The following BMP2K variants were observed in gnomAD, a reference collection of about 807,000 sequenced individuals.
BMP2K encodes BMP-2-inducible protein kinase.
A neutral mutation model predicts 116.0 loss-of-function variants in BMP2K; 74 were observed. That is an observed-to-expected ratio of 0.64 (90% CI 0.53 to 0.77). The LOEUF (loss-of-function observed/expected upper bound fraction) is 0.77. Among genes scored for constraint, BMP2K ranks in the 30% least tolerant of loss-of-function variants. The pLI is 0.00. For missense variants in BMP2K, 1,365 were observed against 1,403.6 expected (o/e 0.97, Z 0.44); for synonymous variants, 486 against 502.5 (o/e 0.97, Z 0.44).
chr4:78,877,552 G>C (rs1009540871), intron 13 of BMP2K, among the ~76,000 whole-genome samples: 2 of 152,114 alleles, frequency 1.3e-5, no homozygotes, highest in Admixed American at 1.3e-4. Context: ...AACAGGCATG[G>C]AGCTGTCATC....
intron 14 of BMP2K, among the ~76,000 whole-genome samples, chr4:78,885,137 A>G (rs1457028649): frequency 2.0e-5 from 3 of 152,224 alleles, no homozygotes; most frequent in Admixed American, 6.5e-5. Context: ...TAGTAACTCA[A>G]TATTAGTGCC....
intron 14 of BMP2K, chr4:78,879,446 C>T (rs1732793427): frequency 1.0e-6 from 1 of 979,566 alleles, no homozygotes; most frequent in Non-Finnish European, 1.2e-6. Flanking sequence ...TCAGATATCT[C>T]AATGTTTTTA....
At chr4:78,799,464 T>G (rs77738398) in intron 1 of BMP2K, among the ~76,000 whole-genome samples, 1 of 152,188 alleles carries the variant, frequency 6.6e-6, no homozygotes, top group Admixed American at 6.6e-5. Context: ...TTCATAGTGG[T>G]TATAGGTATT....
intron 1 of BMP2K, among the ~76,000 whole-genome samples, chr4:78,789,506 T>C (rs1308326940): frequency 1.3e-5 from 2 of 152,124 alleles, no homozygotes; most frequent in East Asian, 3.8e-4. Context: ...CTCGGGACTT[T>C]TAATAGTCTG....
At chr4:78,785,325 G>A (rs1273829938) in intron 1 of BMP2K, among the ~76,000 whole-genome samples, 1 of 152,034 alleles carries the variant, frequency 6.6e-6, no homozygotes, top group African/African-American at 2.4e-5. Flanking sequence ...TGGCCAGGCT[G>A]GTTTCTTAAC....
chr4:78,884,981 T>C (rs1733010782), intron 14 of BMP2K, among the ~76,000 whole-genome samples: 1 of 152,220 alleles, frequency 6.6e-6, no homozygotes, highest in African/African-American at 2.4e-5. Flanking sequence ...TTGTTACTGA[T>C]TTCCTGCATT....
intron 13 of BMP2K, among the ~76,000 whole-genome samples, chr4:78,874,901 G>A (rs1274500844): frequency 2.7e-5 from 4 of 150,668 alleles, no homozygotes; most frequent in Admixed American, 2.6e-4. Context: ...TTTAATTTCT[G>A]TGTAACTATT....
At chr4:78,878,324 T>C (rs945500625) in intron 13 of BMP2K, among the ~76,000 whole-genome samples, 3 of 152,200 alleles carry the variant, frequency 2.0e-5, no homozygotes, top group African/African-American at 7.2e-5. Flanking sequence ...TTTTTTACTT[T>C]AAGTCTTGTT....
chr4:78,912,900 T>C lies in BMP2K; in HGVS notation c.*867T>C, dbSNP rs1437315627. Reference sequence around the variant, plus strand: ...AACATTCACTACTTTAGAAACACTTTATGCATGGCTTCTTGCCCCAAACTT... The same window carrying C: ...AACATTCACTACTTTAGAAACACTTCATGCATGGCTTCTTGCCCCAAACTT... On this transcript the variant is annotated 3_prime_UTR_variant, in exon 16 of 16. Coordinates refer to ENST00000502613, the MANE Select transcript of BMP2K (RefSeq NM_198892.2). 1 of 152,178 alleles carries C rather than the reference T, an allele frequency of 6.6e-6. No homozygotes were observed. 9.4% of individuals were successfully genotyped at this position (152,178 alleles called of 1,614,324 possible).
At chr4:78,864,882 AAAAG>A (rs1393346942) in intron 9 of BMP2K, among the ~76,000 whole-genome samples, 1 of 152,174 alleles carries the variant, frequency 6.6e-6, no homozygotes, top group East Asian at 1.9e-4. Context: ...GTTTTTTAAA[AAAAG>A]CAAATGTTGG....
intron 10 of BMP2K, among the ~76,000 whole-genome samples, chr4:78,869,306 A>T (rs1365230477): frequency 6.6e-6 from 1 of 151,832 alleles, no homozygotes; most frequent in Non-Finnish European, 1.5e-5. Flanking sequence ...TTAACCTATA[A>T]GTTACTTAGG....
chr4:78,804,579 A>G (rs1449221343), intron 1 of BMP2K, among the ~76,000 whole-genome samples: 1 of 152,044 alleles, frequency 6.6e-6, no homozygotes, highest in Admixed American at 6.5e-5. Context: ...CAATTTCTTC[A>G]TATCCTTGCC....
chr4:78,783,379 C>T (rs950659200), intron 1 of BMP2K, among the ~76,000 whole-genome samples: 2 of 151,944 alleles, frequency 1.3e-5, no homozygotes, highest in Non-Finnish European at 2.9e-5. Context: ...TTTGATTGTC[C>T]GTTAATGTAT....
intron 8 of BMP2K, among the ~76,000 whole-genome samples, chr4:78,860,487 A>G (rs546650286): frequency 6.6e-6 from 1 of 152,000 alleles, no homozygotes; most frequent in South Asian, 2.1e-4. Flanking sequence ...ATTACATGTG[A>G]AACCCAGTGC....
chr4:78,825,508 T>C (rs1729826471), intron 1 of BMP2K, among the ~76,000 whole-genome samples: 1 of 152,208 alleles, frequency 6.6e-6, no homozygotes, highest in Non-Finnish European at 1.5e-5. Flanking sequence ...CTTTACATGT[T>C]CAATTAGCAA....
chr4:78,898,711 A>G (rs1340150394), intron 15 of BMP2K: 1 of 151,686 alleles, frequency 6.6e-6, no homozygotes, highest in Non-Finnish European at 1.5e-5. Context: ...CAAAATGACT[A>G]CAGAAATTGA....
chr4:78,862,526 A>G (rs1731846565), intron 9 of BMP2K, among the ~76,000 whole-genome samples: 1 of 152,112 alleles, frequency 6.6e-6, no homozygotes, highest in South Asian at 2.1e-4. Flanking sequence ...AAAAGGGGAC[A>G]TATACAGGAG....
chr4:78,781,136 G>A (rs1435762040), intron 1 of BMP2K, among the ~76,000 whole-genome samples: 3 of 152,204 alleles, frequency 2.0e-5, no homozygotes, highest in Non-Finnish European at 4.4e-5. Flanking sequence ...AGGGTCCGGG[G>A]CTTAGTATAC....
chr4:78,836,576 T>G (rs1214966082), intron 3 of BMP2K, among the ~76,000 whole-genome samples: 2 of 152,214 alleles, frequency 1.3e-5, no homozygotes, highest in Admixed American at 1.3e-4. Flanking sequence ...GAAATTACCT[T>G]TGCCTCCCTT....
Sources: gnomAD v4.1 joint callset for allele counts (sites outside exome capture counted in the v4.1 genomes callset) on GRCh38, gnomAD v4.1.1 for gene constraint, MANE v1.5 for transcripts, NCBI Gene and HGNC (gene_info 2026-07-23, HGNC 2026-07-21) for gene names.